RPAP3: variants seen among roughly 807,000 people sequenced by gnomAD.
RPAP3 encodes the protein RNA polymerase II associated protein 3.
A neutral mutation model predicts 88.8 loss-of-function variants in RPAP3; 58 were observed. The observed-to-expected ratio is 0.65, with a 90% CI of 0.53 to 0.81. RPAP3 has a LOEUF of 0.81. Among genes scored for constraint, RPAP3 ranks in the 40% least tolerant of loss-of-function variants. RPAP3 has a pLI of 0.00. For missense variants in RPAP3, 751 were observed against 764.3 expected (o/e 0.98, Z 0.20); for synonymous variants, 255 against 259.9 (o/e 0.98, Z 0.18).
At chr12:47,688,194 T>G (rs1329349953) in intron 7 of RPAP3, among the ~76,000 whole-genome samples, 193 bp from the exon 8 acceptor site, 1 of 152,202 alleles carries the variant, frequency 6.6e-6, no homozygotes, top group Non-Finnish European at 1.5e-5. Context: ...TATAATAAAT[T>G]TAATGTGCTT....
At chr12:47,690,487 AAGAATTCTTT>A in intron 6 of RPAP3, 21 bp downstream of exon 6, 1 of 1,565,670 alleles carries the variant, frequency 6.4e-7, no homozygotes, top group Middle Eastern at 1.7e-4. Context: ...AACACTGTTA[AAGAATTCTTT>A]AGAGAGTGAC....
intron 16 of RPAP3, among the ~76,000 whole-genome samples, chr12:47,665,134 C>T (rs1387094173): frequency 6.6e-6 from 1 of 150,946 alleles, no homozygotes; most frequent in African/African-American, 2.4e-5. Context: ...CTCTTGTTGC[C>T]CAGGCTGGAG....
intron 5 of RPAP3, among the ~76,000 whole-genome samples, chr12:47,693,554 C>T (rs758470786): frequency 4.6e-5 from 7 of 152,118 alleles, no homozygotes; most frequent in Admixed American, 2.6e-4. Context: ...TATCTGTGGA[C>T]GCAATAAAGC....
Position 47,681,787 on chromosome 12 carries a change from T to A in RPAP3, c.1023A>T (p.Gln341His), listed in dbSNP as rs776231902. 8.1e-6 allele frequency: 13 copies of A among 1,610,520 alleles called. No individual in the cohort carries two copies. The highest frequency in any genetic ancestry group is 1.1e-5 in the Non-Finnish European group (13 of 1,178,626). Residue 341 changes from glutamine to histidine, a missense_variant, in exon 10 of 17, where the codon CAA (glutamine) becomes CAT (histidine). Coordinates refer to ENST00000005386, the MANE Select transcript of RPAP3 (RefSeq NM_024604.3). Reference protein sequence around the residue: ...KYEEAEKDCTQAILLDGSYSK... With the variant: ...KYEEAEKDCTHAILLDGSYSK... ...AATATGAGCCATCTAATAAAATGGC[T>A]TGTGTGCAGTCTTTTTCAGCTTCTT... is the stretch of plus-strand genomic sequence containing the variant.
rs771030827 is a variant in RPAP3, at chr12:47,667,035, A to G, written c.1857T>C (p.Ser619=). The change falls in exon 16 of 17, where the codon TCT becomes TCC. Residue 619 remains serine, a synonymous_variant. Coordinates refer to ENST00000005386, the MANE Select transcript of RPAP3 (RefSeq NM_024604.3). ...LLIFEILQRL[S]ELKRFDMAVM... is the part of the protein sequence containing the mutation. ...CTGCCATATCAAACCTTTTTAGTTCAGAAAGTCTTTGTAAGATTTCAAAGA... is the reference window on the plus strand; with the variant it reads ...CTGCCATATCAAACCTTTTTAGTTCGGAAAGTCTTTGTAAGATTTCAAAGA... 4.6e-6 allele frequency: 7 copies of G among 1,526,418 alleles called. No individual in the cohort carries two copies. In the East Asian group the frequency reaches 1.3e-4, roughly 28 times the overall value. The allele number at this position is 1,526,418 out of a possible 1,614,324, so 94.6% of individuals were successfully genotyped here.
At chr12:47,667,719 G>T in intron 15 of RPAP3, 35 bp downstream of exon 15, 1 of 1,152,966 alleles carries the variant, frequency 8.7e-7, no homozygotes, top group Non-Finnish European at 1.3e-6. Flanking sequence ...CATTAAGTGA[G>T]GACTTACTGT....
intron 5 of RPAP3, 38 bp downstream of exon 5, chr12:47,696,238 A>T (rs1939522818): frequency 2.7e-6 from 4 of 1,462,280 alleles, no homozygotes; most frequent in Non-Finnish European, 1.8e-6. Context: ...TATATACATA[A>T]GACATTCACA....
At chr12:47,686,086 T>C (rs1331990483) in intron 9 of RPAP3, among the ~76,000 whole-genome samples, 1 of 152,204 alleles carries the variant, frequency 6.6e-6, no homozygotes, top group Non-Finnish European at 1.5e-5. Flanking sequence ...CTGAAGAAGT[T>C]TCGAATTCCT....
chr12:47,683,002 C>G (rs1309361392), intron 9 of RPAP3, among the ~76,000 whole-genome samples: 2 of 152,118 alleles, frequency 1.3e-5, no homozygotes, highest in Non-Finnish European at 2.9e-5. Context: ...TGCCACTGTC[C>G]CCTGCAATAA....
intron 16 of RPAP3, among the ~76,000 whole-genome samples, chr12:47,666,619 G>A (rs1938878528): frequency 6.6e-6 from 1 of 152,116 alleles, no homozygotes; most frequent in African/African-American, 2.4e-5. Flanking sequence ...GCGTTTTCAA[G>A]TAGAAGAGCT....
chr12:47,670,357 A>T lies in RPAP3; in HGVS notation c.1288-12T>A, dbSNP rs1410316444. On this transcript the variant is annotated splice_polypyrimidine_tract_variant and intron_variant, in intron 12 of 16. Coordinates refer to ENST00000005386, the MANE Select transcript of RPAP3 (RefSeq NM_024604.3). ...TTCTTGAGTGGTTTCTAAAACAATT[A>T]AAATCAATTCCTTAAATCAAAATAT... 6.9e-7 allele frequency: 1 copy of T among 1,439,164 alleles called. No homozygotes were observed. Among genetic ancestry groups the T allele is most frequent in the South Asian group, 1.2e-5 (1 of 84,130 alleles). 89.1% of individuals were successfully genotyped at this position (1,439,164 alleles called of 1,614,324 possible). A position where few individuals can be genotyped will look rare whatever the true frequency, so the allele number is the denominator to read the frequency against.
intron 3 of RPAP3, chr12:47,700,140 C>G (rs949846660): frequency 1.3e-5 from 2 of 152,072 alleles, no homozygotes; most frequent in African/African-American, 4.8e-5. Flanking sequence ...TATCTTGATC[C>G]AAACAGTGGT....
At chr12:47,673,416 C>G (rs1258055604) in intron 12 of RPAP3, among the ~76,000 whole-genome samples, 1 of 133,994 alleles carries the variant, frequency 7.5e-6, no homozygotes, top group African/African-American at 2.9e-5. Flanking sequence ...GCACTCCAGC[C>G]TGGGGGACAA....
At position 47,687,877 on chromosome 12, in the gene RPAP3, C is replaced by T. The variant is rs139952845; in HGVS notation, c.863G>A (p.Arg288Gln). The change falls in exon 8 of 17, where the codon CGG becomes CAG. Residue 288 changes from arginine (R) to glutamine (Q), a missense_variant and splice_region_variant. Transcript: ENST00000005386. ...TACGTTGGAATAGCTTTGGATTACCCGATCTTTCTCTGAAATGGCCTGCTG... is the reference window on the plus strand; with the variant it reads ...TACGTTGGAATAGCTTTGGATTACCTGATCTTTCTCTGAAATGGCCTGCTG... ...NKQQAISEKD[R>Q]GNGFFKEGKY... 4.0e-5 allele frequency: 64 copies of T among 1,612,372 alleles called. No individual in the cohort carries two copies. In the African/African-American group the frequency reaches 7.3e-4, roughly 18 times the overall value.
intron 12 of RPAP3, among the ~76,000 whole-genome samples, chr12:47,673,714 C>T (rs566262348): frequency 1.3e-5 from 2 of 151,960 alleles, no homozygotes; most frequent in Non-Finnish European, 2.9e-5. Flanking sequence ...GTCAGGGGTA[C>T]ATAGAGAGGT....
chr12:47,679,652 A>AT, intron 11 of RPAP3, 52 bp downstream of exon 11: 1 of 1,524,988 alleles, frequency 6.6e-7, no homozygotes, highest in Non-Finnish European at 9.0e-7. Flanking sequence ...ACAAATAAAT[A>AT]TATTTATGTT....
intron 4 of RPAP3, among the ~76,000 whole-genome samples, chr12:47,697,369 TG>T (rs1398286232): frequency 1.3e-5 from 2 of 152,196 alleles, no homozygotes; most frequent in Admixed American, 1.3e-4. Flanking sequence ...ATGAGAAAAC[TG>T]AAGTTCAGAA....
At chr12:47,678,841 C>T (rs551532036) in intron 12 of RPAP3, among the ~76,000 whole-genome samples, 4 of 152,228 alleles carry the variant, frequency 2.6e-5, no homozygotes, top group African/African-American at 9.6e-5. Context: ...GACAGTGTGG[C>T]GATTCCTCAA....
chr12:47,679,171 T>C (rs181914585), intron 12 of RPAP3, among the ~76,000 whole-genome samples: 120 of 152,290 alleles, frequency 7.9e-4, no homozygotes, highest in Middle Eastern at 3.4e-3. Flanking sequence ...CACCGCATGT[T>C]CTCACTCATA....
Sources: gnomAD v4.1 joint callset for allele counts (sites outside exome capture counted in the v4.1 genomes callset) on GRCh38, gnomAD v4.1.1 for gene constraint, MANE v1.5 for transcripts, NCBI Gene and HGNC (gene_info 2026-07-23, HGNC 2026-07-21) for gene names.